The following PRMT8 variants were observed in gnomAD, a reference collection of about 807,000 sequenced individuals.
The protein encoded by PRMT8 is protein arginine N-methyltransferase 8.
A neutral mutation model predicts 47.1 loss-of-function variants in PRMT8; 7 were observed. That is an observed-to-expected ratio of 0.15 (90% CI 0.08 to 0.28). The LOEUF is 0.28. PRMT8 is among the 10% of genes least tolerant of loss of function. The pLI is 1.00. For synonymous variants in PRMT8, 188 were observed against 186.5 expected, an observed-to-expected ratio of 1.01 and a Z score of -0.07; for missense variants, 237 against 505.4, an observed-to-expected ratio of 0.47 and a Z score of 5.09.
intron 6 of PRMT8, among the ~76,000 whole-genome samples, chr12:3,571,560 C>T (rs955337104): frequency 3.9e-5 from 6 of 152,024 alleles, no homozygotes; most frequent in Non-Finnish European, 7.4e-5. Context: ...GGCACTGGCC[C>T]CAGACTGGAG....
At chr12:3,482,933 A>G (rs1354463760) in intron 1 of PRMT8, among the ~76,000 whole-genome samples, 2 of 152,192 alleles carry the variant, frequency 1.3e-5, no homozygotes, top group African/African-American at 4.8e-5. Flanking sequence ...TCATAGAGTC[A>G]GTTAACTGTC....
rs1865659507 is a variant in PRMT8 at position 3,508,196 on chromosome 12, A to G, written c.75+16496A>G. Among the ~76,000 whole-genome samples, 1 of 152,170 alleles carries G rather than the reference A, an allele frequency of 6.6e-6. No individual in the cohort carries two copies. Among genetic ancestry groups the G allele is most frequent in the Admixed American group, 6.5e-5 (1 of 15,272 alleles). ...ACTTTTAGGAGAAAATTTATAGTTC[A>G]TAATGGGAATAGTCAATTCTGATGT... On this transcript the variant is annotated intron_variant, in intron 1 of 9. Coordinates refer to ENST00000382622, the MANE Select transcript of PRMT8 (RefSeq NM_019854.5). This position sits in a 1 kb window ranked among gnomAD's most constrained non-coding sequence, Gnocchi z 4.9.
At chr12:3,428,177 C>A (rs536081980) in intron 1 of PRMT8, among the ~76,000 whole-genome samples, 2 of 152,014 alleles carry the variant, frequency 1.3e-5, no homozygotes, top group Non-Finnish European at 2.9e-5. Context: ...ATTTAGATCT[C>A]CTGCTGGGAA....
Position 3,456,606 on chromosome 12 carries a change from C to A in PRMT8, c.48+75164C>A, listed in dbSNP as rs1311300957. Reference sequence around the variant, plus strand: ...GCCCGGGACCATCCGTCTGAATTACCCACAGGGTGAGGATGAAAGGCGAGG... The same window carrying A: ...GCCCGGGACCATCCGTCTGAATTACACACAGGGTGAGGATGAAAGGCGAGG... On this transcript the variant is annotated intron_variant, in intron 1 of 9. Transcript: ENST00000452611. The surrounding 1 kb of genome is among the most constrained non-coding windows in gnomAD (Gnocchi z 4.2). Among the ~76,000 whole-genome samples, 1 of 152,112 alleles carries A rather than the reference C, an allele frequency of 6.6e-6. No homozygotes were observed. Among genetic ancestry groups the A allele is most frequent in the Non-Finnish European group, 1.5e-5 (1 of 68,026 alleles).
At chr12:3,442,149 A>C (rs906501702) in intron 1 of PRMT8, among the ~76,000 whole-genome samples, 1 of 152,244 alleles carries the variant, frequency 6.6e-6, no homozygotes, top group Non-Finnish European at 1.5e-5. Flanking sequence ...GCATCAAGCT[A>C]AAAAAGCTAG....
chr12:3,408,717 C>T (rs1864397585), intron 1 of PRMT8, among the ~76,000 whole-genome samples: 1 of 152,148 alleles, frequency 6.6e-6, no homozygotes, highest in African/African-American at 2.4e-5. Context: ...TACAGAGTGG[C>T]TTTCATAGGG....
intron 4 of PRMT8, among the ~76,000 whole-genome samples, chr12:3,565,576 C>A (rs933725267): frequency 6.6e-6 from 1 of 152,114 alleles, no homozygotes; most frequent in Non-Finnish European, 1.5e-5. Context: ...GAACAGAAGT[C>A]CAGACTGTTG....
intron 1 of PRMT8, among the ~76,000 whole-genome samples, chr12:3,437,883 G>T (rs151117209): frequency 1.3e-5 from 2 of 152,258 alleles, no homozygotes; most frequent in African/African-American, 4.8e-5. Flanking sequence ...CTAACGCAGG[G>T]CCTGACACAC....
Position 3,492,193 on chromosome 12 carries a change from C to G in PRMT8, c.75+493C>G, listed in dbSNP as rs1865426823. Among the ~76,000 whole-genome samples, 1 of 152,078 alleles carries G rather than the reference C, an allele frequency of 6.6e-6. No individual in the cohort carries two copies. Among genetic ancestry groups the G allele is most frequent in the South Asian group, 2.1e-4 (1 of 4,832 alleles). On this transcript the variant is annotated intron_variant, in intron 1 of 9. Transcript: ENST00000382622. The surrounding 1 kb of genome is among the most constrained non-coding windows in gnomAD (Gnocchi z 7.5). ...CTTCAAGCTCGAGTCGGTTCCCGAGCTCTCCGTCCCCGCAGCCGCGCGGAG... is the reference window on the plus strand; with the variant it reads ...CTTCAAGCTCGAGTCGGTTCCCGAGGTCTCCGTCCCCGCAGCCGCGCGGAG...
chr12:3,449,584 G>GT (rs1320798123), intron 1 of PRMT8, among the ~76,000 whole-genome samples: 5 of 152,040 alleles, frequency 3.3e-5, no homozygotes, highest in East Asian at 1.9e-4. Flanking sequence ...TAATGGGGTT[G>GT]TTTTTTTCTT....
chr12:3,564,423 A>G lies in PRMT8; in HGVS notation c.482-4283A>G, dbSNP rs751790544. On this transcript the variant is annotated intron_variant, in intron 4 of 9. Coordinates refer to ENST00000382622, the MANE Select transcript of PRMT8 (RefSeq NM_019854.5). This position sits in a 1 kb window ranked among gnomAD's most constrained non-coding sequence, Gnocchi z 4.0. Reference sequence around the variant, plus strand: ...TTAAAAACAAAAATGACCATTAATGAGAATGACTAGATTTCTGTAAGAACC... The same window carrying G: ...TTAAAAACAAAAATGACCATTAATGGGAATGACTAGATTTCTGTAAGAACC... 3.3e-5 allele frequency among the ~76,000 whole-genome samples: 5 copies of G among 152,240 alleles called. No individual in the cohort carries two copies. Among genetic ancestry groups the G allele is most frequent in the Admixed American group, 3.3e-4 (5 of 15,282 alleles).
intron 1 of PRMT8, among the ~76,000 whole-genome samples, chr12:3,429,218 C>T (rs1864645916): frequency 6.6e-6 from 1 of 152,216 alleles, no homozygotes; most frequent in Non-Finnish European, 1.5e-5. Flanking sequence ...CCCTGGCTTA[C>T]AGGTTACCTT....
chr12:3,560,042 G>T (rs1173927263), intron 4 of PRMT8, among the ~76,000 whole-genome samples: 1 of 152,160 alleles, frequency 6.6e-6, no homozygotes, highest in Admixed American at 6.5e-5. Flanking sequence ...GGGACCTCCA[G>T]GTCCAGGGAC....
At position 3,413,492 on chromosome 12, in the gene PRMT8, G is replaced by A. The variant is rs7307335; in HGVS notation, c.48+32050G>A. 5.5e-3 allele frequency among the ~76,000 whole-genome samples: 842 copies of A among 152,230 alleles called. 7 individuals carry two copies. Among genetic ancestry groups the A allele is most frequent in the African/African-American group, 0.018 (733 of 41,536 alleles). On this transcript the variant is annotated intron_variant, in intron 1 of 9. Transcript: ENST00000452611. ...AGGCCTACACAGGGTCAGGAGCATC[G>A]ATATCACTATCTTCCACTTCCTCAT...
chr12:3,457,127 G>C (rs1028759600), intron 1 of PRMT8, among the ~76,000 whole-genome samples: 3 of 152,164 alleles, frequency 2.0e-5, no homozygotes, highest in African/African-American at 7.2e-5. Context: ...GGTGCTGTTT[G>C]GTGTCTGCAG....
chr12:3,473,918 A>G (rs139421537), intron 1 of PRMT8, among the ~76,000 whole-genome samples: 82 of 151,344 alleles, frequency 5.4e-4, no homozygotes, highest in African/African-American at 1.7e-3. Flanking sequence ...CACCTTCTCA[A>G]TCTCTGTGGA....
intron 8 of PRMT8, among the ~76,000 whole-genome samples, chr12:3,588,581 C>T (rs986336763): frequency 3.9e-5 from 6 of 152,162 alleles, no homozygotes; most frequent in Admixed American, 6.5e-5. Context: ...GTGTTCATCC[C>T]GTTTGCTGTT....
chr12:3,462,563 A>T (rs1025705948), intron 1 of PRMT8, among the ~76,000 whole-genome samples: 1 of 152,046 alleles, frequency 6.6e-6, no homozygotes, highest in Non-Finnish European at 1.5e-5. Flanking sequence ...GGAGTGGGAC[A>T]TGATTGCTCT....
At chr12:3,488,230 A>G (rs954626392), upstream of PRMT8, among the ~76,000 whole-genome samples, 5 of 152,202 alleles carry the variant, frequency 3.3e-5, no homozygotes, top group East Asian at 7.7e-4. Flanking sequence ...TAAGTGTTCT[A>G]TAAGACTTAG....
Sources: gnomAD v4.1 joint callset for allele counts (sites outside exome capture counted in the v4.1 genomes callset) on GRCh38, gnomAD v4.1.1 for gene constraint, Gnocchi (gnomAD v3.1) non-coding constraint, MANE v1.5 for transcripts, NCBI Gene and HGNC (gene_info 2026-07-23, HGNC 2026-07-21) for gene names.